The following KIAA1217 variants were observed in gnomAD, a reference collection of about 807,000 sequenced individuals.
KIAA1217 encodes the protein KIAA1217.
In KIAA1217, 88 loss-of-function variants were observed where a neutral mutation model predicts 163.9. That is an observed-to-expected ratio of 0.54 (90% confidence interval 0.45 to 0.64). KIAA1217 has a LOEUF of 0.64. KIAA1217 is among the 30% of genes least tolerant of loss of function. KIAA1217 has a pLI of 0.00. For synonymous variants in KIAA1217, 903 were observed against 923.1 expected (o/e 0.98, Z 0.39); for missense variants, 2,372 against 2,475.0 (o/e 0.96, Z 0.88).
chr10:24,096,061 T>C (rs2062148286), intron 2 of KIAA1217, among the ~76,000 whole-genome samples: 1 of 152,208 alleles, frequency 6.6e-6, no homozygotes, highest in Non-Finnish European at 1.5e-5. Flanking sequence ...TGAGCTGTGA[T>C]TGCACCACTG....
At chr10:24,398,398 T>C (rs552795137) in intron 3 of KIAA1217, among the ~76,000 whole-genome samples, 6 of 152,176 alleles carry the variant, frequency 3.9e-5, no homozygotes, top group Non-Finnish European at 8.8e-5. Context: ...CTGTTAAGAA[T>C]GGCAAATATC....
intron 1 of KIAA1217, among the ~76,000 whole-genome samples, chr10:23,997,194 A>C (rs1846525219): frequency 6.6e-6 from 1 of 152,190 alleles, no homozygotes; most frequent in Admixed American, 6.5e-5. Flanking sequence ...AGGAAGTTCT[A>C]CTGTGAAAGA....
chr10:24,542,490 A>T (rs369924026), intron 17 of KIAA1217: 1 of 1,402,194 alleles, frequency 7.1e-7, no homozygotes. Flanking sequence ...TGAGATTTTC[A>T]TCTTGTGCAA....
intron 1 of KIAA1217, among the ~76,000 whole-genome samples, chr10:23,829,948 G>A (rs571450258): frequency 6.6e-6 from 1 of 152,284 alleles, no homozygotes; most frequent in East Asian, 1.9e-4. Context: ...GAAGTAATTA[G>A]ATCAAAGAAT....
In KIAA1217 at chr10:24,220,963, A is replaced by G. The variant is rs142163334; in HGVS notation, c.354+1054A>G. Among the ~76,000 whole-genome samples the G allele has an allele frequency of 3.3e-5, 5 of 151,744 alleles. No individual in the cohort carries two copies. In the East Asian group the frequency reaches 7.8e-4, roughly 24 times the overall value. Reference sequence around the variant, plus strand: ...GGTAGTAGAGACGGGGTCTTTCTCTATTGACCAGGTTGGTCTTGAACTCCT... The same window carrying G: ...GGTAGTAGAGACGGGGTCTTTCTCTGTTGACCAGGTTGGTCTTGAACTCCT... On this transcript the variant is annotated intron_variant, in intron 2 of 20. Coordinates refer to ENST00000376454, the MANE Select transcript of KIAA1217 (RefSeq NM_019590.5).
At chr10:24,383,378 C>T (rs935499936) in intron 3 of KIAA1217, among the ~76,000 whole-genome samples, 1 of 152,200 alleles carries the variant, frequency 6.6e-6, no homozygotes, top group African/African-American at 2.4e-5. Context: ...TCCTCTGCAG[C>T]CAAGAACGGT....
At chr10:24,452,274 A>G (rs761945582) in intron 5 of KIAA1217, among the ~76,000 whole-genome samples, 1 of 152,012 alleles carries the variant, frequency 6.6e-6, no homozygotes, top group Admixed American at 6.6e-5. Flanking sequence ...TGTAATTGAG[A>G]AGACAAACCT....
intron 1 of KIAA1217, among the ~76,000 whole-genome samples, chr10:23,951,103 CA>C (rs1314416576): frequency 1.3e-5 from 2 of 152,208 alleles, no homozygotes; most frequent in East Asian, 3.9e-4. Flanking sequence ...ACTGTGAGAA[CA>C]GGAATTCCAA....
In KIAA1217 at chr10:23,794,373, C is replaced by T. The variant is rs541232960; in HGVS notation, c.-321+99139C>T. ...TGAGATAAGTTGATTCGTAAGGAAA[C>T]CGACCCATCCTGTTCTACTCTCTAT... On this transcript the variant is annotated intron_variant, in intron 1 of 18. Coordinates refer to the KIAA1217 transcript ENST00000376462. Among the ~76,000 whole-genome samples the T allele has an allele frequency of 3.9e-4, 59 of 152,274 alleles. No individual in the cohort carries two copies. The South Asian group carries it at 0.012, about 31-fold the overall frequency.
chr10:24,433,374 A>T (rs550163827), intron 4 of KIAA1217, among the ~76,000 whole-genome samples, 181 bp downstream of exon 4: 4 of 151,152 alleles, frequency 2.6e-5, no homozygotes, highest in Non-Finnish European at 5.9e-5. Flanking sequence ...TAGAGTTTAT[A>T]CCAAATTCTA....
At chr10:23,757,554 G>A (rs1442247594) in intron 1 of KIAA1217, among the ~76,000 whole-genome samples, 2 of 152,008 alleles carry the variant, frequency 1.3e-5, no homozygotes, top group African/African-American at 4.8e-5. Flanking sequence ...GTCTCACTCT[G>A]TCGCCCAGGC....
intron 10 of KIAA1217, among the ~76,000 whole-genome samples, chr10:24,518,892 A>G (rs2070640693): frequency 6.6e-6 from 1 of 152,126 alleles, no homozygotes. Context: ...GCCACAAGCA[A>G]TTTTGGTTTA....
At chr10:24,125,731 C>G (rs189161455) in intron 2 of KIAA1217, among the ~76,000 whole-genome samples, 57 of 152,124 alleles carry the variant, frequency 3.7e-4, no homozygotes, top group African/African-American at 1.3e-3. Context: ...GTCCATTAGG[C>G]TTATTTTTTC....
intron 2 of KIAA1217, among the ~76,000 whole-genome samples, chr10:24,316,585 A>C (rs927745206): frequency 1.3e-5 from 2 of 152,126 alleles, no homozygotes; most frequent in African/African-American, 4.8e-5. Flanking sequence ...CCCTACTAGG[A>C]ACACGAAAAT....
intron 10 of KIAA1217, among the ~76,000 whole-genome samples, chr10:24,519,225 G>C (rs1159195679): frequency 1.3e-5 from 2 of 152,120 alleles, no homozygotes; most frequent in African/African-American, 4.8e-5. Flanking sequence ...CTTTATCCCT[G>C]TTTCCTTTGA....
chr10:23,698,895 C>T (rs1015143280), intron 1 of KIAA1217, among the ~76,000 whole-genome samples: 9 of 152,136 alleles, frequency 5.9e-5, no homozygotes, highest in Non-Finnish European at 1.2e-4. Context: ...AGCAATCCTC[C>T]GATCTCAGCC....
At chr10:23,889,084 C>T (rs563202472) in intron 1 of KIAA1217, among the ~76,000 whole-genome samples, 26 of 151,778 alleles carry the variant, frequency 1.7e-4, no homozygotes, top group Non-Finnish European at 3.1e-4. Context: ...GTTTTATGAA[C>T]ATCTGGGTAG....
chr10:24,108,671 T>A (rs1313056320), intron 2 of KIAA1217, among the ~76,000 whole-genome samples: 42 of 152,218 alleles, frequency 2.8e-4, no homozygotes. Flanking sequence ...AAGAAGCAGC[T>A]ATTATTGTCA....
intron 1 of KIAA1217, among the ~76,000 whole-genome samples, chr10:23,867,886 G>T (rs975292572): frequency 3.9e-5 from 6 of 152,088 alleles, no homozygotes; most frequent in African/African-American, 1.4e-4. Flanking sequence ...TTTGGCTTTT[G>T]TTGCCATTGC....
Sources: allele counts gnomAD v4.1 joint callset (sites outside exome capture counted in the v4.1 genomes callset), GRCh38; gene constraint gnomAD v4.1.1; transcripts MANE v1.5; gene names NCBI Gene and HGNC (gene_info 2026-07-23, HGNC 2026-07-21).